DOCK5: variants seen among roughly 807,000 people sequenced by gnomAD.
The protein encoded by DOCK5 is dedicator of cytokinesis 5, also known as dedicator of cytokinesis protein 5.
In DOCK5, 142 loss-of-function variants were observed where a neutral mutation model predicts 251.8. That is an observed-to-expected ratio of 0.56 (90% CI 0.49 to 0.65). The LOEUF is 0.65. Ranked by LOEUF, DOCK5 falls within the 30% of genes least tolerant of loss-of-function variation. The probability of loss-of-function intolerance (pLI) is 0.00; values close to 1 mark genes in which losing one functional copy is unlikely to be tolerated. For missense variants in DOCK5, 2,111 were observed against 2,312.3 expected, an observed-to-expected ratio of 0.91 and a Z score of 1.79; for synonymous variants, 842 against 835.5, an observed-to-expected ratio of 1.01 and a Z score of -0.13.
chr8:25,261,044 GC>G (rs1357833178), intron 2 of DOCK5, among the ~76,000 whole-genome samples: 20 of 152,004 alleles, frequency 1.3e-4, no homozygotes, highest in African/African-American at 4.6e-4. Flanking sequence ...CTCCCAAAGT[GC>G]TGGAATTATG....
At chr8:25,254,443 T>A (rs1473446032) in intron 2 of DOCK5, among the ~76,000 whole-genome samples, 2 of 151,968 alleles carry the variant, frequency 1.3e-5, no homozygotes, top group Non-Finnish European at 2.9e-5. Flanking sequence ...GTCAAGAGAA[T>A]GAGAAGTTAA....
intron 1 of DOCK5, among the ~76,000 whole-genome samples, chr8:25,200,308 G>A (rs925108077): frequency 3.3e-5 from 5 of 152,230 alleles, no homozygotes; most frequent in East Asian, 1.9e-4. Context: ...AATAATACAT[G>A]GACAAGGTTA....
rs763768122 is a variant in DOCK5 at position 25,308,822 on chromosome 8, C to T, written c.1089C>T (p.Ile363=). Residue 363 remains isoleucine, a synonymous_variant, in exon 12 of 52, where the codon ATC becomes ATT. Coordinates refer to ENST00000276440, the MANE Select transcript of DOCK5 (RefSeq NM_024940.8). ...METYIRQRQL[I]MSPLITSHVI... ...CCTACATCCGCCAGAGGCAGCTCATCATGTCGCCTTTGATAACATCACACG... is the reference window on the plus strand; with the variant it reads ...CCTACATCCGCCAGAGGCAGCTCATTATGTCGCCTTTGATAACATCACACG... 3.7e-6 allele frequency: 6 copies of T among 1,613,828 alleles called. No individual in the cohort carries two copies. The highest frequency in any genetic ancestry group is 5.1e-6 in the Non-Finnish European group (6 of 1,179,858).
rs1442247527 is a variant in DOCK5 at position 25,299,009 on chromosome 8, CTA to C, written c.674_675del (p.Tyr225CysfsTer31). On this transcript the variant is annotated frameshift_variant, in exon 8 of 52. Transcript: ENST00000276440. LOFTEE classifies it high-confidence loss of function. ...TCAGTACCATCCACACCTATGGCCT[CTA>C]TGTGAACTTCAAGAACTTTGTCTGC... ...IFSTIHTYGL[Y>X]VNFKNFVCNI... 2 of 1,613,798 alleles carry C rather than the reference CTA, an allele frequency of 1.2e-6. No homozygotes were observed. The highest frequency in any genetic ancestry group is 1.3e-5 in the African/African-American group (1 of 74,886).
intron 11 of DOCK5, among the ~76,000 whole-genome samples, chr8:25,308,576 C>A (rs556542605): frequency 2.6e-5 from 4 of 152,118 alleles, no homozygotes. Flanking sequence ...GGGTTTTTTT[C>A]CTCCCTCTTT....
At chr8:25,306,518 C>A (rs1355166678) in intron 11 of DOCK5, among the ~76,000 whole-genome samples, 1 of 151,882 alleles carries the variant, frequency 6.6e-6, no homozygotes, top group South Asian at 2.1e-4. Context: ...CACGGTGAAA[C>A]CCTGTCTCTA....
intron 5 of DOCK5, among the ~76,000 whole-genome samples, chr8:25,279,905 G>A (rs770937228): frequency 8.6e-5 from 13 of 152,034 alleles, no homozygotes; most frequent in Non-Finnish European, 1.8e-4. Context: ...GATTACAGGA[G>A]TGAGCCACCA....
chr8:25,373,662 A>G lies in DOCK5; in HGVS notation c.3725+4A>G, dbSNP rs921950995. ...AGAGAGAGGACATATACATAAGGTA[A>G]GCTGAAGGAAATTTCTTGCTTCTGC... On this transcript the variant is annotated splice_donor_region_variant and intron_variant, in intron 36 of 51. Transcript: ENST00000276440. 3.8e-6 allele frequency: 6 copies of G among 1,588,596 alleles called. No homozygotes were observed. In the African/African-American group the frequency reaches 5.4e-5, roughly 14 times the overall value.
chr8:25,224,833 C>T (rs924880877), intron 1 of DOCK5, among the ~76,000 whole-genome samples: 1 of 152,192 alleles, frequency 6.6e-6, no homozygotes, highest in African/African-American at 2.4e-5. Flanking sequence ...TCTGGGCCAC[C>T]CTGGCACCCT....
chr8:25,213,189 C>G (rs1230314415), intron 1 of DOCK5, among the ~76,000 whole-genome samples: 1 of 151,826 alleles, frequency 6.6e-6, no homozygotes, highest in African/African-American at 2.4e-5. Context: ...CAGGCCCAGA[C>G]CTAGGAAACG....
chr8:25,372,733 T>TC lies in DOCK5; in HGVS notation c.3684+17dup, dbSNP rs1800895715. 28 of 1,605,946 alleles carry TC rather than the reference T, an allele frequency of 1.7e-5. No homozygotes were observed. In the Middle Eastern group the frequency reaches 3.6e-3, roughly 209 times the overall value. Reference sequence around the variant, plus strand: ...TGAACGTGCTGGTATGTGACATGCCTCCGGTGTGATGGGAGGGTACTGTCA... The same window carrying TC: ...TGAACGTGCTGGTATGTGACATGCCTCCCGGTGTGATGGGAGGGTACTGTCA... On this transcript the variant is annotated intron_variant, in intron 35 of 51. Transcript: ENST00000276440.
At chr8:25,392,647 A>C in intron 43 of DOCK5, 149 bp from the exon 44 acceptor site, 1 of 658,518 alleles carries the variant, frequency 1.5e-6, no homozygotes, top group Non-Finnish European at 2.6e-6. Flanking sequence ...TTATGAGAAA[A>C]TTTGGCTCAG....
At chr8:25,397,553 G>T (rs1801367663) in intron 45 of DOCK5, among the ~76,000 whole-genome samples, 1 of 152,194 alleles carries the variant, frequency 6.6e-6, no homozygotes, top group African/African-American at 2.4e-5. Flanking sequence ...CTCCATGTTA[G>T]GTGCCATAAT....
Position 25,334,150 on chromosome 8 carries a change from C to T in DOCK5, c.2146C>T (p.Leu716Phe). ...DIKFQHFNPV[L>F]ETYIYKHFSA... ...CAAGTTCCAGCATTTTAATCCTGTACTTGAAACCTACATTTACAAGCACTT... is the reference window on the plus strand; with the variant it reads ...CAAGTTCCAGCATTTTAATCCTGTATTTGAAACCTACATTTACAAGCACTT... The change falls in exon 21 of 52, where the codon CTT (leucine) becomes TTT (phenylalanine). Residue 716 changes from leucine (L) to phenylalanine (F), a missense_variant. This residue lies in a region of DOCK5 where 1,717 missense variants were observed against 1,892.4 expected (regional missense o/e 0.91). Coordinates refer to ENST00000276440, the MANE Select transcript of DOCK5 (RefSeq NM_024940.8). The T allele has an allele frequency of 6.2e-7, 1 of 1,613,918 alleles. No individual in the cohort carries two copies. Among genetic ancestry groups the T allele is most frequent in the Non-Finnish European group, 8.5e-7 (1 of 1,179,834 alleles).
At chr8:25,399,824 C>T (rs1218313606) in intron 45 of DOCK5, 87 bp from the exon 46 acceptor site, 8 of 987,432 alleles carry the variant, frequency 8.1e-6, no homozygotes, top group South Asian at 2.9e-5. Flanking sequence ...CTGGTTCTTC[C>T]GCACAGGACA....
At chr8:25,281,343 G>C (rs922723591) in intron 5 of DOCK5, among the ~76,000 whole-genome samples, 1 of 148,788 alleles carries the variant, frequency 6.7e-6, no homozygotes, top group African/African-American at 2.5e-5. Context: ...CAGGAGAATC[G>C]CAGGAGAATC....
At chr8:25,222,081 C>T (rs1326943656) in intron 1 of DOCK5, among the ~76,000 whole-genome samples, 1 of 152,144 alleles carries the variant, frequency 6.6e-6, no homozygotes, top group East Asian at 1.9e-4. Flanking sequence ...CTGTTTAGGA[C>T]ACTCTGTTTT....
rs909508007 is a variant in DOCK5 at position 25,188,950 on chromosome 8, C to A, written c.43+3999C>A. Among the ~76,000 whole-genome samples the A allele has an allele frequency of 1.1e-3, 161 of 151,580 alleles. 1 individual carries two copies. Among genetic ancestry groups the A allele is most frequent in the African/African-American group, 3.8e-3 (157 of 41,288 alleles). On this transcript the variant is annotated intron_variant, in intron 1 of 51. Transcript: ENST00000276440. Reference sequence around the variant, plus strand: ...ATAAAAACATTTATTTTTAAGTTTGCTTCCACACAAGCCATTATGTAAAGA... The same window carrying A: ...ATAAAAACATTTATTTTTAAGTTTGATTCCACACAAGCCATTATGTAAAGA...
At chr8:25,193,658 G>A (rs1374312944) in intron 1 of DOCK5, among the ~76,000 whole-genome samples, 1 of 152,030 alleles carries the variant, frequency 6.6e-6, no homozygotes, top group Non-Finnish European at 1.5e-5. Flanking sequence ...CACCTACTTG[G>A]GAGGCTGAGG....
Sources: allele counts gnomAD v4.1 joint callset (sites outside exome capture counted in the v4.1 genomes callset), GRCh38; gene constraint gnomAD v4.1.1; regional missense constraint gnomAD v4.1.1; transcripts MANE v1.5; gene names NCBI Gene and HGNC (gene_info 2026-07-23, HGNC 2026-07-21).